The following NAA16 variants were observed in gnomAD, a reference collection of about 807,000 sequenced individuals.
NAA16 encodes N-alpha-acetyltransferase 16, NatA auxiliary subunit.
Under a neutral mutation model 110.3 loss-of-function variants are expected in NAA16, and 97 were observed. That is an observed-to-expected ratio of 0.88 (90% confidence interval 0.75 to 1.04). NAA16 has a LOEUF of 1.04. NAA16 is among the 50% of genes least tolerant of loss of function. NAA16 has a pLI of 0.00. For synonymous variants in NAA16, 372 were observed against 330.6 expected (o/e 1.13, Z -1.36); for missense variants, 1,017 against 1,005.1 (o/e 1.01, Z -0.16).
intron 9 of NAA16, among the ~76,000 whole-genome samples, chr13:41,342,380 C>T (rs915317021): frequency 6.6e-6 from 1 of 152,174 alleles, no homozygotes; most frequent in African/African-American, 2.4e-5. Flanking sequence ...GCAAGCAATC[C>T]GCCATCCTTG....
chr13:41,333,052 C>G (rs1049762379), intron 8 of NAA16, among the ~76,000 whole-genome samples: 2 of 152,044 alleles, frequency 1.3e-5, no homozygotes, highest in African/African-American at 4.8e-5. Flanking sequence ...TTTTGCTGTT[C>G]TTCAGCCAAG....
chr13:41,328,010 ATTG>A (rs1306759779), intron 6 of NAA16: 1 of 152,060 alleles, frequency 6.6e-6, no homozygotes, highest in Admixed American at 6.6e-5. Flanking sequence ...TTTGAAATAG[ATTG>A]TTTGGGGAAT....
chr13:41,328,641 T>G (rs2042154573), intron 6 of NAA16, 83 bp from the exon 7 acceptor site: 3 of 1,152,306 alleles, frequency 2.6e-6, no homozygotes, highest in Non-Finnish European at 3.7e-6. Flanking sequence ...AACCATCTGT[T>G]CACTGATAAT....
chr13:41,334,364 A>T (rs940434959), intron 8 of NAA16, among the ~76,000 whole-genome samples: 1 of 152,228 alleles, frequency 6.6e-6, no homozygotes, highest in South Asian at 2.1e-4. Context: ...ATGTTCCATT[A>T]TGCACTGGCT....
rs774003959 is a variant in NAA16, at chr13:41,372,769, T to A, written c.2094T>A (p.Ala698=). Residue 698 remains alanine, a synonymous_variant, in exon 17 of 20, where the codon GCT becomes GCA. Transcript: ENST00000379406. The part of the protein sequence containing the change: ...FLLMLQSVKR[A]FAINSNNPWL... ...TAATGCTGCAGTCTGTCAAACGAGC[T>A]TTTGCCATTAACAGTAATAACCCAT... 1.9e-6 allele frequency: 3 copies of A among 1,604,142 alleles called. No homozygotes were observed. Among genetic ancestry groups the A allele is most frequent in the Non-Finnish European group, 2.6e-6 (3 of 1,174,114 alleles).
At chr13:41,337,719 A>G (rs1336310143) in intron 9 of NAA16, among the ~76,000 whole-genome samples, 2 of 152,206 alleles carry the variant, frequency 1.3e-5, no homozygotes, top group Non-Finnish European at 2.9e-5. Flanking sequence ...CTACTGGATA[A>G]GGAAAAGATT....
rs758287067 is a variant in NAA16, at chr13:41,375,490, A to T, written c.2483A>T (p.His828Leu). The T allele has an allele frequency of 6.2e-7, 1 of 1,614,126 alleles. No individual in the cohort carries two copies. The change falls in exon 20 of 20, where the codon CAT (histidine) becomes CTT (leucine). Residue 828 changes from histidine (H) to leucine (L), a missense_variant. Transcript: ENST00000379406. ...TATGAAGAATATAGGATGGCCTGTCATAACCTGCTTCCTTTTACATCTGCC... is the reference window on the plus strand; with the variant it reads ...TATGAAGAATATAGGATGGCCTGTCTTAACCTGCTTCCTTTTACATCTGCC... ...SQYEEYRMACHNLLPFTSAFL... is the reference protein window; with the variant it reads ...SQYEEYRMACLNLLPFTSAFL...
intron 3 of NAA16, among the ~76,000 whole-genome samples, chr13:41,319,726 A>G (rs1262263241): frequency 2.0e-5 from 3 of 152,000 alleles, no homozygotes; most frequent in African/African-American, 7.3e-5. Flanking sequence ...CATGTTGGTC[A>G]GGCTGATCTC....
chr13:41,323,236 G>A, intron 5 of NAA16, 46 bp downstream of exon 5: 2 of 1,585,814 alleles, frequency 1.3e-6, no homozygotes, highest in Non-Finnish European at 1.7e-6. Context: ...TGGAGTAGTT[G>A]ACTTCTAAAT....
chr13:41,371,648 C>G (rs1394846906), intron 15 of NAA16, among the ~76,000 whole-genome samples: 1 of 152,142 alleles, frequency 6.6e-6, no homozygotes, highest in East Asian at 1.9e-4. Flanking sequence ...ATACATGTAA[C>G]ATACACAATA....
At chr13:41,332,581 T>G (rs535402801) in intron 8 of NAA16, among the ~76,000 whole-genome samples, 3 of 152,322 alleles carry the variant, frequency 2.0e-5, no homozygotes, top group African/African-American at 7.2e-5. Flanking sequence ...GAAGTCTTTA[T>G]TTTTAGTTGT....
chr13:41,317,076 T>G (rs2041829301), intron 2 of NAA16, 146 bp downstream of exon 2: 1 of 612,176 alleles, frequency 1.6e-6, no homozygotes, highest in African/African-American at 1.8e-5. Context: ...TAATGCTTTA[T>G]ATGAGTCTTC....
At chr13:41,343,358 G>C (rs890973281) in intron 9 of NAA16, among the ~76,000 whole-genome samples, 5 of 152,222 alleles carry the variant, frequency 3.3e-5, no homozygotes, top group South Asian at 2.1e-4. Context: ...CCAGTGCACT[G>C]CGATTACAGG....
intron 10 of NAA16, 68 bp downstream of exon 10, chr13:41,355,284 T>C: frequency 1.1e-6 from 1 of 937,886 alleles, no homozygotes; most frequent in Non-Finnish European, 1.6e-6. Flanking sequence ...TAATGCTCTT[T>C]TATGTATATT....
Position 41,315,985 on chromosome 13 carries a change from G to T in NAA16, c.55-861G>T, listed in dbSNP as rs531235184. Among the ~76,000 whole-genome samples, 10 of 152,278 alleles carry T rather than the reference G, an allele frequency of 6.6e-5. No individual in the cohort carries two copies. In the South Asian group the frequency reaches 2.1e-3, roughly 32 times the overall value. ...AGATCTTGCTTTATTCCCCAGGCTG[G>T]TCTTGAACTTCTGGGCTCAAGCAGT... On this transcript the variant is annotated intron_variant, in intron 1 of 19. Transcript: ENST00000379406.
In NAA16 at chr13:41,374,795, A is replaced by G. The variant is rs749203039; in HGVS notation, c.2353A>G (p.Ile785Val). The G allele has an allele frequency of 6.0e-5, 97 of 1,612,954 alleles. No homozygotes were observed. The highest frequency in any genetic ancestry group is 1.6e-4 in the Middle Eastern group (1 of 6,076). Residue 785 changes from isoleucine (I) to valine (V), a missense_variant, in exon 19 of 20, where the codon ATA (isoleucine) becomes GTA (valine). By Grantham distance (29) the Ile-to-Val change is conservative. Transcript: ENST00000379406. The stretch of plus-strand genomic sequence containing the variant: ...GTCAAGGCAGGAGAAAGCAATTGCT[A>G]TAGCCACTAGACTAGATGAAACTAT... The part of the protein sequence containing the change: ...DKSRQEKAIA[I>V]ATRLDETIKD...
rs1052803205 is a variant in NAA16, at chr13:41,345,103, T to C, written c.1014+8347T>C. ...CATTCCATTTTATGGATATACCACA[T>C]TGATTGTTTCTACCTTTTGGTTATT... On this transcript the variant is annotated intron_variant, in intron 9 of 19. Transcript: ENST00000379406. Among the ~76,000 whole-genome samples, 24 of 152,216 alleles carry C rather than the reference T, an allele frequency of 1.6e-4. 1 individual carries two copies. The highest frequency in any genetic ancestry group is 4.8e-5 in the African/African-American group (2 of 41,462).
In NAA16 at chr13:41,369,177, A is replaced by C. The variant is rs1266383451; in HGVS notation, c.1841A>C (p.His614Pro). ...GCTAAACTAGAAGAAGAAAGAAAGC[A>C]TGCAGAAAGAGAACGTCAACAGAAA... ...KKAKLEEERK[H>P]AERERQQKNQ... Residue 614 changes from histidine (H) to proline (P), a missense_variant, in exon 15 of 20, where the codon CAT (histidine) becomes CCT (proline). Coordinates refer to ENST00000379406, the MANE Select transcript of NAA16 (RefSeq NM_024561.5). The C allele has an allele frequency of 1.3e-6, 2 of 1,597,294 alleles. No homozygotes were observed. The highest frequency in any genetic ancestry group is 3.5e-5 in the Admixed American group (2 of 57,464).
intron 9 of NAA16, among the ~76,000 whole-genome samples, chr13:41,339,129 G>GTTGT (rs71200173): frequency 7.9e-5 from 12 of 151,596 alleles, no homozygotes; most frequent in Non-Finnish European, 1.5e-4. Context: ...TTTTGTTGTT[G>GTTGT]TTGTTTGTTT....
Sources: allele counts gnomAD v4.1 joint callset (sites outside exome capture counted in the v4.1 genomes callset), GRCh38; gene constraint gnomAD v4.1.1; transcripts MANE v1.5; gene names NCBI Gene and HGNC (gene_info 2026-07-23, HGNC 2026-07-21).